Variants in RGS7 observed in about 807,000 individuals in gnomAD.
RGS7 encodes regulator of G protein signaling 7.
RGS7 carries 27 observed loss-of-function variants against 81.1 expected under a neutral mutation model. That is an observed-to-expected ratio of 0.33 (90% confidence interval 0.25 to 0.46). The LOEUF (loss-of-function observed/expected upper bound fraction) is 0.46, where lower values mean the gene tolerates loss of function less well. Ranked by LOEUF, RGS7 falls within the 20% of genes least tolerant of loss-of-function variation. The pLI is 1.00. For synonymous variants in RGS7, 208 were observed against 207.7 expected, an observed-to-expected ratio of 1.00 and a Z score of -0.01; for missense variants, 396 against 607.4, an observed-to-expected ratio of 0.65 and a Z score of 3.66.
At chr1:240,930,466 A>T (rs139623747) in intron 6 of RGS7, among the ~76,000 whole-genome samples, 285 of 152,064 alleles carry the variant, frequency 1.9e-3, no homozygotes, top group African/African-American at 6.2e-3. Flanking sequence ...CTTTAAGCTT[A>T]TTTACAGCTC....
chr1:241,188,170 T>C (rs2072289573), intron 2 of RGS7, among the ~76,000 whole-genome samples: 1 of 152,194 alleles, frequency 6.6e-6, no homozygotes, highest in Non-Finnish European at 1.5e-5. Flanking sequence ...ACACATTGTA[T>C]GCATGCCATC....
chr1:241,119,953 T>C (rs2066135642), intron 2 of RGS7, among the ~76,000 whole-genome samples: 1 of 152,014 alleles, frequency 6.6e-6, no homozygotes, highest in Non-Finnish European at 1.5e-5. Flanking sequence ...CATCACACTT[T>C]TGTATGCAGC....
intron 3 of RGS7, among the ~76,000 whole-genome samples, chr1:241,071,933 A>C (rs1188631464): frequency 1.3e-5 from 2 of 150,426 alleles, no homozygotes; most frequent in Non-Finnish European, 3.0e-5. Flanking sequence ...ACTATGTGAT[A>C]GTTGTTAATT....
chr1:241,143,345 A>G (rs2068067293), intron 2 of RGS7, among the ~76,000 whole-genome samples: 1 of 152,212 alleles, frequency 6.6e-6, no homozygotes, highest in Non-Finnish European at 1.5e-5. Flanking sequence ...ATAATGACAT[A>G]CCTGAGACTT....
intron 18 of RGS7, among the ~76,000 whole-genome samples, chr1:240,797,660 G>A (rs1236410783): frequency 6.6e-6 from 1 of 151,998 alleles, no homozygotes; most frequent in African/African-American, 2.4e-5. Context: ...CAGATGCTAT[G>A]ATATTTTAAT....
intron 2 of RGS7, among the ~76,000 whole-genome samples, chr1:241,240,996 T>C (rs2076234296): frequency 6.6e-6 from 1 of 152,098 alleles, no homozygotes; most frequent in South Asian, 2.1e-4. Context: ...TCATTTGCTC[T>C]CCTCGGCAGG....
chr1:241,294,230 A>G (rs1343677868), intron 2 of RGS7, among the ~76,000 whole-genome samples: 1 of 152,038 alleles, frequency 6.6e-6, no homozygotes, highest in African/African-American at 2.4e-5. Flanking sequence ...CATAAGTAGG[A>G]GTTGAACAAT....
intron 2 of RGS7, among the ~76,000 whole-genome samples, chr1:241,130,174 G>C (rs2066972484): frequency 1.3e-5 from 2 of 151,944 alleles, no homozygotes; most frequent in African/African-American, 4.8e-5. Flanking sequence ...ACTTTAAAAA[G>C]GAGAAAAAAA....
intron 4 of RGS7, among the ~76,000 whole-genome samples, chr1:240,951,608 TAAC>T (rs1191536285): frequency 4.0e-5 from 6 of 151,108 alleles, no homozygotes; most frequent in African/African-American, 1.2e-4. Flanking sequence ...AAGAAAAAAA[TAAC>T]AAGGAAAACA....
At chr1:241,231,316 T>C (rs2075650900) in intron 2 of RGS7, among the ~76,000 whole-genome samples, 1 of 152,198 alleles carries the variant, frequency 6.6e-6, no homozygotes, top group Admixed American at 6.5e-5. Context: ...TAGTACCCCC[T>C]CTAGTTCTAA....
Position 241,145,723 on chromosome 1 carries a change from G to A in RGS7, c.79-46961C>T, listed in dbSNP as rs148604021. Among the ~76,000 whole-genome samples the A allele has an allele frequency of 6.3e-4, 96 of 152,278 alleles. 1 individual carries two copies. The East Asian group carries it at 8.3e-3, about 13-fold the overall frequency. Reference sequence around the variant, plus strand: ...CATGCTCCTGCATTCTAGCCTGGGCGACAGAGTGAGACTCTGTCCAAAATA... The same window carrying A: ...CATGCTCCTGCATTCTAGCCTGGGCAACAGAGTGAGACTCTGTCCAAAATA... On this transcript the variant is annotated intron_variant, in intron 2 of 18. Transcript: ENST00000440928.
At chr1:240,790,409 C>T (rs185855352) in intron 18 of RGS7, among the ~76,000 whole-genome samples, 65 of 152,246 alleles carry the variant, frequency 4.3e-4, no homozygotes, top group South Asian at 6.2e-4. Context: ...CAACCCCTTG[C>T]CTCAGCCTCC....
intron 4 of RGS7, among the ~76,000 whole-genome samples, chr1:240,975,196 G>T (rs1683881947): frequency 1.3e-5 from 2 of 152,158 alleles, no homozygotes; most frequent in Non-Finnish European, 2.9e-5. Flanking sequence ...GAAGTCAAGA[G>T]ATCGAGACCA....
At chr1:240,894,713 A>G (rs1352084751) in intron 6 of RGS7, among the ~76,000 whole-genome samples, 1 of 152,050 alleles carries the variant, frequency 6.6e-6, no homozygotes, top group East Asian at 1.9e-4. Flanking sequence ...TGGTCTAAAA[A>G]TATTATTTAG....
chr1:240,867,017 CA>C (rs886984160), intron 9 of RGS7, among the ~76,000 whole-genome samples: 1 of 151,768 alleles, frequency 6.6e-6, no homozygotes, highest in East Asian at 1.9e-4. Context: ...TTAAAACAAA[CA>C]AAAAAAATAA....
At chr1:240,815,171 G>A (rs535286637) in intron 11 of RGS7, among the ~76,000 whole-genome samples, 20 of 151,914 alleles carry the variant, frequency 1.3e-4, no homozygotes, top group Non-Finnish European at 2.6e-4. Context: ...GACCCTGTCT[G>A]TAAAAAAATA....
chr1:240,984,083 T>A (rs1317061103), intron 3 of RGS7, among the ~76,000 whole-genome samples: 2 of 152,178 alleles, frequency 1.3e-5, no homozygotes, highest in Non-Finnish European at 2.9e-5. Context: ...ACACTGTCTA[T>A]ATGTAAGTGC....
intron 18 of RGS7, among the ~76,000 whole-genome samples, chr1:240,788,888 A>C (rs982324160): frequency 9.2e-5 from 14 of 152,178 alleles, no homozygotes; most frequent in African/African-American, 2.9e-4. Flanking sequence ...CTGTAATCCC[A>C]GCACTTTGGG....
intron 3 of RGS7, among the ~76,000 whole-genome samples, chr1:241,016,483 A>G (rs2059239309): frequency 6.6e-6 from 1 of 152,108 alleles, no homozygotes; most frequent in Non-Finnish European, 1.5e-5. Context: ...GTGCCACTGC[A>G]CTCTAACCTG....
Sources: allele counts gnomAD v4.1 joint callset (sites outside exome capture counted in the v4.1 genomes callset), GRCh38; gene constraint gnomAD v4.1.1; transcripts MANE v1.5; gene names NCBI Gene and HGNC (gene_info 2026-07-23, HGNC 2026-07-21).